FBLN7: variants seen among roughly 807,000 people sequenced by gnomAD.
The protein encoded by FBLN7 is fibulin-7.
FBLN7 carries 31 observed loss-of-function variants against 44.0 expected under a neutral mutation model. The ratio of observed to expected loss-of-function variants is 0.70; its 90% confidence interval spans 0.53 to 0.95. The LOEUF (loss-of-function observed/expected upper bound fraction) is 0.95. Ranked by LOEUF, FBLN7 falls within the 40% of genes least tolerant of loss-of-function variation. The pLI, the probability that FBLN7 is intolerant of heterozygous loss-of-function variation, is 0.00. For missense variants in FBLN7, 573 were observed against 618.5 expected (o/e 0.93, Z 0.78); for synonymous variants, 262 against 253.4 (o/e 1.03, Z -0.32).
chr2:112,177,841 T>C (rs1682804157), intron 4 of FBLN7: 1 of 152,126 alleles, frequency 6.6e-6, no homozygotes, highest in Admixed American at 6.5e-5. Context: ...TGAAAAACTT[T>C]CAGAAAAATA....
At position 112,161,736 on chromosome 2, in the gene FBLN7, C is replaced by T. The variant is rs187590090; in HGVS notation, c.235+1901C>T. 1.2e-3 allele frequency among the ~76,000 whole-genome samples: 184 copies of T among 152,388 alleles called. 1 individual carries two copies. The highest frequency in any genetic ancestry group is 3.8e-3 in the African/African-American group (157 of 41,588). On this transcript the variant is annotated intron_variant, in intron 2 of 7. Transcript: ENST00000331203. ...GAAAGGCAGTTATTATTACATTATT[C>T]ATCCTCCTTCCCAAGATTCAGGGGC...
chr2:112,222,840 G>A, the FBLN7 span, among the ~76,000 whole-genome samples: 2 of 152,104 alleles, frequency 1.3e-5, no homozygotes, highest in South Asian at 4.1e-4. Context: ...CATGAGCTCT[G>A]GTAATATATG....
In FBLN7 at chr2:112,182,375, G is replaced by C. The variant is rs146963271; in HGVS notation, c.671-416G>C. Among the ~76,000 whole-genome samples, 199 of 152,254 alleles carry C rather than the reference G, an allele frequency of 1.3e-3. 1 individual carries two copies. The highest frequency in any genetic ancestry group is 4.7e-3 in the African/African-American group (194 of 41,540). ...GTTCAAAGCTGAGATCTGGTCAGTT[G>C]GTGCTAATAGCCTCATTTTACAGCA... On this transcript the variant is annotated intron_variant, in intron 5 of 7. Transcript: ENST00000331203.
At chr2:112,181,668 G>C in intron 4 of FBLN7, 71 bp from the exon 5 acceptor site, 2 of 1,341,004 alleles carry the variant, frequency 1.5e-6, no homozygotes, top group Non-Finnish European at 1.9e-6. Flanking sequence ...TTCTGCTCCC[G>C]GCCCCTACCC....
the FBLN7 span, among the ~76,000 whole-genome samples, chr2:112,204,696 T>C: frequency 6.6e-6 from 1 of 152,162 alleles, no homozygotes; most frequent in Non-Finnish European, 1.5e-5. Flanking sequence ...AAGAATTCGA[T>C]ATCAGCCAAA....
At position 112,171,267 on chromosome 2, in the gene FBLN7, G is replaced by C. The variant is rs186841502; in HGVS notation, c.407-4447G>C. ...AGTGGAAGGAGGACCTGCAAGGAGA[G>C]GATGGAGACAGAAACGTGACTCAGG... is the stretch of plus-strand genomic sequence containing the variant. On this transcript the variant is annotated intron_variant, in intron 3 of 7. Coordinates refer to ENST00000331203, the MANE Select transcript of FBLN7 (RefSeq NM_153214.3). 5.9e-5 allele frequency among the ~76,000 whole-genome samples: 9 copies of C among 152,228 alleles called. No individual in the cohort carries two copies. In the East Asian group the frequency reaches 1.7e-3, roughly 29 times the overall value.
chr2:112,183,040 A>C (rs1049702180), intron 6 of FBLN7, 112 bp downstream of exon 6: 2 of 1,418,358 alleles, frequency 1.4e-6, no homozygotes, highest in African/African-American at 3.0e-5. Context: ...TTTCAGATAC[A>C]TTGGATTTTT....
chr2:112,139,127 C>G, intron 1 of FBLN7, among the ~76,000 whole-genome samples: 1 of 94,620 alleles, frequency 1.1e-5, no homozygotes, highest in South Asian at 4.2e-4. Context: ...CCAGGCCAGC[C>G]AGTGTCCCTC....
intron 2 of FBLN7, among the ~76,000 whole-genome samples, chr2:112,160,215 C>T (rs1048968397): frequency 6.6e-6 from 1 of 152,156 alleles, no homozygotes; most frequent in Non-Finnish European, 1.5e-5. Flanking sequence ...TGGTCTCGAT[C>T]TCCTGACCTC....
chr2:112,163,496 G>C (rs1681982148), intron 2 of FBLN7, among the ~76,000 whole-genome samples: 1 of 152,248 alleles, frequency 6.6e-6, no homozygotes, highest in African/African-American at 2.4e-5. Context: ...CTAACTTTGG[G>C]CATTCCCTCG....
the FBLN7 span, among the ~76,000 whole-genome samples, chr2:112,217,034 A>G: frequency 4.0e-4 from 61 of 152,336 alleles, no homozygotes; most frequent in Admixed American, 1.8e-3. Flanking sequence ...ACCCAACTAC[A>G]TATGTTCCAT....
chr2:112,237,582 T>G, the FBLN7 span, among the ~76,000 whole-genome samples: 3 of 150,650 alleles, frequency 2.0e-5, no homozygotes, highest in African/African-American at 7.3e-5. Context: ...AATTTTAATT[T>G]TTTTTTTTTT....
chr2:112,197,286 G>A, the FBLN7 span, among the ~76,000 whole-genome samples: 3 of 138,246 alleles, frequency 2.2e-5, no homozygotes, highest in African/African-American at 8.6e-5. Context: ...GAGAGAGAGA[G>A]AGAGAGAGAG....
chr2:112,211,534 T>C, the FBLN7 span: 1 of 152,226 alleles, frequency 6.6e-6, no homozygotes, highest in East Asian at 1.9e-4. Context: ...CTTTATTTCA[T>C]AGTAAACTTT....
At position 112,187,479 on chromosome 2, in the gene FBLN7, C is replaced by T; in HGVS notation, c.1293C>T (p.Thr431=). The part of the protein sequence containing the change: ...SFQANHVSKV[T]IFVSPYDF ...AGGCCAACCACGTGTCCAAGGTCAC[C>T]ATCTTTGTATCCCCCTATGACTTCT... The change falls in exon 8 of 8, where the codon ACC becomes ACT. Residue 431 remains threonine (T), a synonymous_variant. Coordinates refer to ENST00000331203, the MANE Select transcript of FBLN7 (RefSeq NM_153214.3). The surrounding 1 kb of genome is among the most constrained non-coding windows in gnomAD (Gnocchi z 5.1). 1.9e-6 allele frequency: 3 copies of T among 1,614,160 alleles called. No homozygotes were observed. The highest frequency in any genetic ancestry group is 2.5e-6 in the Non-Finnish European group (3 of 1,180,030).
the FBLN7 span, among the ~76,000 whole-genome samples, chr2:112,217,529 G>A: frequency 1.3e-5 from 2 of 152,218 alleles, no homozygotes; most frequent in Non-Finnish European, 2.9e-5. Flanking sequence ...CTTTATGCAT[G>A]TATAATTCTG....
At chr2:112,157,841 C>G (rs534681442) in intron 1 of FBLN7, among the ~76,000 whole-genome samples, 1 of 152,146 alleles carries the variant, frequency 6.6e-6, no homozygotes, top group South Asian at 2.1e-4. Context: ...TGCAAGTGAT[C>G]CCAAAGTGCT....
At chr2:112,213,674 G>A in the FBLN7 span, 3 of 148,260 alleles carry the variant, frequency 2.0e-5, no homozygotes, top group African/African-American at 7.5e-5. Flanking sequence ...TACTTGGGAG[G>A]CTGAGGCAGG....
At chr2:112,154,520 G>A (rs995318571) in intron 1 of FBLN7, among the ~76,000 whole-genome samples, 1 of 152,180 alleles carries the variant, frequency 6.6e-6, no homozygotes, top group Admixed American at 6.5e-5. Flanking sequence ...CTTGGAGAGT[G>A]GGAGGTCAGC....
Sources: gnomAD v4.1 joint callset for allele counts (sites outside exome capture counted in the v4.1 genomes callset) on GRCh38, gnomAD v4.1.1 for gene constraint, Gnocchi (gnomAD v3.1) non-coding constraint, MANE v1.5 for transcripts, NCBI Gene and HGNC (gene_info 2026-07-23, HGNC 2026-07-21) for gene names.